The following AP4S1 variants were observed in gnomAD, a reference collection of about 807,000 sequenced individuals.
AP4S1 encodes adaptor related protein complex 4 subunit sigma 1, also known as AP-4 complex subunit sigma-1.
In AP4S1, 23 loss-of-function variants were observed where a neutral mutation model predicts 19.8. The ratio of observed to expected loss-of-function variants is 1.16; its 90% CI spans 0.84 to 1.65. AP4S1 has a LOEUF of 1.65. Among genes scored for constraint, AP4S1 ranks in the 40% most tolerant of loss-of-function variants. The probability of loss-of-function intolerance (pLI) is 0.00; values close to 1 mark genes in which losing one functional copy is unlikely to be tolerated. For synonymous variants in AP4S1, 46 were observed against 54.1 expected, an observed-to-expected ratio of 0.85 and a Z score of 0.66; for missense variants, 166 against 172.8, an observed-to-expected ratio of 0.96 and a Z score of 0.22.
At chr14:31,033,842 AT>A (rs1884560224) in intron 1 of AP4S1, among the ~76,000 whole-genome samples, 1 of 152,234 alleles carries the variant, frequency 6.6e-6, no homozygotes, top group Admixed American at 6.5e-5. Context: ...AGCATGCTGT[AT>A]AAAATTGTAG....
chr14:31,088,522 T>TAAC, intron 5 of AP4S1, among the ~76,000 whole-genome samples: 1 of 152,148 alleles, frequency 6.6e-6, no homozygotes, highest in Admixed American at 6.5e-5. Flanking sequence ...TAAAAAAAGA[T>TAAC]AACAGCCAGG....
rs373529047 is a variant in AP4S1 at position 31,060,032 on chromosome 14, T to A, written c.-71-6094T>A. On this transcript the variant is annotated intron_variant, in intron 1 of 5. Coordinates refer to ENST00000542754, the MANE Select transcript of AP4S1 (RefSeq NM_001128126.3). ...ATGTATATATGTATATATATTTATG[T>A]ATATATGTATATATATTTATATATT... is the stretch of plus-strand genomic sequence containing the variant. 2.9e-3 allele frequency among the ~76,000 whole-genome samples: 429 copies of A among 147,244 alleles called. 4 individuals carry two copies. Among genetic ancestry groups the A allele is most frequent in the South Asian group, 0.022 (103 of 4,760 alleles).
chr14:31,053,016 C>T (rs990816070), intron 1 of AP4S1, among the ~76,000 whole-genome samples: 8 of 145,350 alleles, frequency 5.5e-5, no homozygotes, highest in African/African-American at 2.0e-4. Context: ...TCTCAGCTCA[C>T]TGCAACCTCT....
chr14:31,036,588 T>C (rs1884789465), intron 1 of AP4S1, among the ~76,000 whole-genome samples: 1 of 152,186 alleles, frequency 6.6e-6, no homozygotes. Flanking sequence ...TACTGTATTC[T>C]ACCTTGCTCA....
intron 1 of AP4S1, among the ~76,000 whole-genome samples, chr14:31,055,860 T>C (rs1156925543): frequency 6.6e-6 from 1 of 152,128 alleles, no homozygotes; most frequent in African/African-American, 2.4e-5. Context: ...TTTTGTTTTT[T>C]TGAGACGGAG....
chr14:31,045,462 G>A (rs1885342646), intron 1 of AP4S1, among the ~76,000 whole-genome samples: 1 of 152,096 alleles, frequency 6.6e-6, no homozygotes, highest in Admixed American at 6.6e-5. Flanking sequence ...CATCTGCTGT[G>A]ACCCTTTCCC....
chr14:31,062,955 C>G (rs1594675525), intron 1 of AP4S1, among the ~76,000 whole-genome samples: 1 of 145,700 alleles, frequency 6.9e-6, no homozygotes, highest in Non-Finnish European at 1.5e-5. Flanking sequence ...GGACAGAGCA[C>G]GAGACTCCGT....
In AP4S1 at chr14:31,095,413, T is replaced by G. The variant is rs1219547882; in HGVS notation, c.*2378T>G. 1.3e-5 allele frequency: 2 copies of G among 152,248 alleles called. No individual in the cohort carries two copies. Among genetic ancestry groups the G allele is most frequent in the East Asian group, 3.9e-4 (2 of 5,192 alleles). The allele number at this position is 152,248 out of a possible 1,614,324, so 9.4% of individuals were successfully genotyped here. A position where few individuals can be genotyped will look rare whatever the true frequency, so the allele number is the denominator to read the frequency against. ...CCCAGAGAGCCCCTACAGCTATCCT[T>G]TATCCCGTTTTTTGTTTGTTTTTTG... On this transcript the variant is annotated 3_prime_UTR_variant, in exon 6 of 6. Coordinates refer to ENST00000542754, the MANE Select transcript of AP4S1 (RefSeq NM_001128126.3).
chr14:31,089,792 G>A (rs1303597364), intron 5 of AP4S1, among the ~76,000 whole-genome samples: 1 of 151,978 alleles, frequency 6.6e-6, no homozygotes, highest in Non-Finnish European at 1.5e-5. Context: ...GGTGGCACAT[G>A]CCTGTACTCC....
intron 1 of AP4S1, among the ~76,000 whole-genome samples, chr14:31,053,876 A>T (rs1045597956): frequency 6.6e-6 from 1 of 152,122 alleles, no homozygotes; most frequent in East Asian, 1.9e-4. Context: ...TAAAGTTGCT[A>T]CATCTGCATA....
intron 4 of AP4S1, among the ~76,000 whole-genome samples, chr14:31,074,483 T>C (rs73252194): frequency 6.6e-6 from 1 of 152,038 alleles, no homozygotes; most frequent in Non-Finnish European, 1.5e-5. Flanking sequence ...AAACCCTGTC[T>C]CCATCCTGGC....
At chr14:31,047,011 A>T (rs1885450081) in intron 1 of AP4S1, among the ~76,000 whole-genome samples, 1 of 152,170 alleles carries the variant, frequency 6.6e-6, no homozygotes, top group South Asian at 2.1e-4. Context: ...AGCATTTGTT[A>T]CTGTCTGCCT....
chr14:31,068,611 C>G (rs940065382), intron 2 of AP4S1, among the ~76,000 whole-genome samples: 3 of 152,254 alleles, frequency 2.0e-5, no homozygotes, highest in African/African-American at 7.2e-5. Flanking sequence ...CTGCAGAATG[C>G]AGGCACTCAA....
At chr14:31,071,933 G>A (rs941249572) in intron 3 of AP4S1, among the ~76,000 whole-genome samples, 1 of 148,364 alleles carries the variant, frequency 6.7e-6, no homozygotes, top group African/African-American at 2.5e-5. Flanking sequence ...TTTTTTTTGG[G>A]GGGGTGGGGA....
At chr14:31,068,018 G>A (rs758333777) in intron 2 of AP4S1, among the ~76,000 whole-genome samples, 5 of 151,870 alleles carry the variant, frequency 3.3e-5, no homozygotes, top group Non-Finnish European at 7.4e-5. Flanking sequence ...ACAGGCATGT[G>A]CCACAACACC....
intron 1 of AP4S1, among the ~76,000 whole-genome samples, chr14:31,059,866 G>C (rs17449560): frequency 0.088 from 13,365 of 151,274 alleles, 674 homozygotes; most frequent in South Asian, 0.15. Context: ...GTGTAGAATT[G>C]CTGTAAGATA....
intron 5 of AP4S1, chr14:31,084,941 C>A (rs1001741023): frequency 3.1e-6 from 5 of 1,612,666 alleles, no homozygotes; most frequent in Non-Finnish European, 3.4e-6. Context: ...AACTACTCTT[C>A]AAATCAGTGC....
intron 5 of AP4S1, among the ~76,000 whole-genome samples, chr14:31,088,716 G>A (rs1218586862): frequency 4.0e-5 from 6 of 150,732 alleles, no homozygotes; most frequent in African/African-American, 1.2e-4. Flanking sequence ...GCTGAGGCGG[G>A]AGGATCGCTT....
chr14:31,079,536 A>G (rs953543040), intron 4 of AP4S1, among the ~76,000 whole-genome samples: 1 of 152,000 alleles, frequency 6.6e-6, no homozygotes, highest in Non-Finnish European at 1.5e-5. Context: ...AAAGTAATGT[A>G]TTTTTTGGCC....
Sources: gnomAD v4.1 joint callset for allele counts (sites outside exome capture counted in the v4.1 genomes callset) on GRCh38, gnomAD v4.1.1 for gene constraint, MANE v1.5 for transcripts, NCBI Gene and HGNC (gene_info 2026-07-23, HGNC 2026-07-21) for gene names.